Variants in KDM4C observed in about 807,000 individuals in gnomAD.
KDM4C encodes the protein lysine-specific demethylase 4C.
A neutral mutation model predicts 129.3 loss-of-function variants in KDM4C; 81 were observed. That is an observed-to-expected ratio of 0.63 (90% CI 0.52 to 0.75). KDM4C has a LOEUF of 0.75. KDM4C is among the 30% of genes least tolerant of loss of function. KDM4C has a pLI of 0.00. For synonymous variants in KDM4C, 573 were observed against 456.1 expected (o/e 1.26, Z -3.26); for missense variants, 1,457 against 1,304.0 (o/e 1.12, Z -1.81).
In KDM4C at chr9:6,765,413, C is replaced by A. The variant is rs963844221; in HGVS notation, c.-18+7210C>A. Reference sequence around the variant, plus strand: ...ACTCATTTCTCTTCTCTGATTAAATCAGCTTCCCTAATGATGAGCTGTCTT... The same window carrying A: ...ACTCATTTCTCTTCTCTGATTAAATAAGCTTCCCTAATGATGAGCTGTCTT... On this transcript the variant is annotated intron_variant, in intron 1 of 21. Coordinates refer to ENST00000381309, the MANE Select transcript of KDM4C (RefSeq NM_015061.6). Among the ~76,000 whole-genome samples, 3 of 152,180 alleles carry A rather than the reference C, an allele frequency of 2.0e-5. No individual in the cohort carries two copies. In the East Asian group the frequency reaches 5.8e-4, roughly 29 times the overall value.
intron 19 of KDM4C, among the ~76,000 whole-genome samples, chr9:7,130,975 C>G (rs1840570264): frequency 6.6e-6 from 1 of 151,086 alleles, no homozygotes; most frequent in Non-Finnish European, 1.5e-5. Flanking sequence ...AACTGCGTTG[C>G]CCGGGCTGGT....
intron 6 of KDM4C, among the ~76,000 whole-genome samples, chr9:6,886,167 C>T (rs1275967490): frequency 6.6e-6 from 1 of 151,798 alleles, no homozygotes; most frequent in Non-Finnish European, 1.5e-5. Context: ...TGGACATGGC[C>T]ATTATATTAG....
chr9:6,799,597 GGGGAGAC>G (rs1428812367), intron 2 of KDM4C, among the ~76,000 whole-genome samples: 141 of 141,978 alleles, frequency 9.9e-4, no homozygotes, highest in South Asian at 1.7e-3. Flanking sequence ...ACCGTGGAAA[GGGGAGAC>G]GGGAGACGGG....
Position 6,984,065 on chromosome 9 carries a change from G to T in KDM4C, c.1116-101G>T, listed in dbSNP as rs1429678688. The T allele has an allele frequency of 8.3e-6, 6 of 719,104 alleles. No homozygotes were observed. The East Asian group carries it at 1.5e-4, about 18-fold the overall frequency. The allele number at this position is 719,104 out of a possible 1,614,324, so 44.5% of individuals were successfully genotyped here. A position where few individuals can be genotyped will look rare whatever the true frequency, so the allele number is the denominator to read the frequency against. ...GGCATAGTGATTAACAATGTCAGTT[G>T]TTTCCTTCTTTAAGCAAGTGAAAAT... On this transcript the variant is annotated intron_variant, in intron 9 of 21. Transcript: ENST00000381309.
intron 4 of KDM4C, among the ~76,000 whole-genome samples, chr9:6,815,882 T>C (rs1235825635): frequency 6.6e-6 from 1 of 152,266 alleles, no homozygotes; most frequent in Non-Finnish European, 1.5e-5. Context: ...TGTGTCTCTT[T>C]ATCTCTGTTT....
chr9:6,910,741 T>A (rs1447257106), intron 8 of KDM4C, among the ~76,000 whole-genome samples: 1 of 152,234 alleles, frequency 6.6e-6, no homozygotes, highest in African/African-American at 2.4e-5. Flanking sequence ...AATCAGTAGT[T>A]GCCCAAGAAT....
chr9:6,734,819 C>A, intron 1 of KDM4C: 1 of 452,976 alleles, frequency 2.2e-6, no homozygotes, highest in Non-Finnish European at 4.4e-6. Context: ...CCATTGTTTT[C>A]TCTACAGGAT....
Position 6,725,590 on chromosome 9 carries a change from C to T in KDM4C, c.49+4593C>T, listed in dbSNP as rs535619148. 2.0e-5 allele frequency among the ~76,000 whole-genome samples: 3 copies of T among 152,216 alleles called. No homozygotes were observed. In the South Asian group the frequency reaches 6.2e-4, roughly 32 times the overall value. On this transcript the variant is annotated intron_variant, in intron 1 of 17. Transcript: ENST00000536108. ...GCAACCTCTGTCTCCCCGGATCAAG[C>T]AATTCTCCTGCCTCAGCCTCCCAAG...
chr9:7,046,823 T>G (rs182196170), intron 15 of KDM4C, 39 bp from the exon 16 acceptor site: 2 of 1,385,596 alleles, frequency 1.4e-6, no homozygotes, highest in South Asian at 2.3e-5. Context: ...TTTTGTTATG[T>G]GGGTCTGGTC....
chr9:7,042,945 A>C (rs1828840053), intron 15 of KDM4C, among the ~76,000 whole-genome samples: 1 of 151,954 alleles, frequency 6.6e-6, no homozygotes, highest in South Asian at 2.1e-4. Flanking sequence ...TAGCTTAAAT[A>C]TTTTCCTCCA....
At chr9:6,812,882 A>G (rs954147378) in intron 3 of KDM4C, among the ~76,000 whole-genome samples, 3 of 152,222 alleles carry the variant, frequency 2.0e-5, no homozygotes, top group Admixed American at 6.5e-5. Context: ...TTTTTATTAA[A>G]AACATTTTTA....
chr9:7,078,613 T>G (rs535214516), intron 17 of KDM4C, among the ~76,000 whole-genome samples: 4 of 152,352 alleles, frequency 2.6e-5, no homozygotes, highest in South Asian at 2.1e-4. Flanking sequence ...GTATTTTACA[T>G]GTTTTCCATT....
At chr9:7,013,592 C>T (rs548708122) in intron 13 of KDM4C, among the ~76,000 whole-genome samples, 196 bp from the exon 14 acceptor site, 1 of 152,184 alleles carries the variant, frequency 6.6e-6, no homozygotes, top group African/African-American at 2.4e-5. Flanking sequence ...TGTCCTTTTC[C>T]TGCAGATTAA....
At chr9:7,064,456 G>A (rs10815510) in intron 17 of KDM4C, among the ~76,000 whole-genome samples, 85,920 of 151,982 alleles carry the variant, frequency 0.57, 25,326 homozygotes, top group Non-Finnish European at 0.65. Flanking sequence ...TCAGGTGAAA[G>A]ATGATTTTAG....
At chr9:7,046,715 G>A (rs1829450559) in intron 15 of KDM4C, 147 bp from the exon 16 acceptor site, 1 of 634,324 alleles carries the variant, frequency 1.6e-6, no homozygotes. Context: ...CTTTCTTTTT[G>A]AACTTCTCAG....
chr9:6,743,495 C>T (rs918576325), intron 1 of KDM4C, among the ~76,000 whole-genome samples: 1 of 150,952 alleles, frequency 6.6e-6, no homozygotes, highest in African/African-American at 2.4e-5. Context: ...AAGAATAACA[C>T]AATATTTTCT....
At chr9:7,016,174 C>G (rs1289081968) in intron 15 of KDM4C, among the ~76,000 whole-genome samples, 1 of 151,180 alleles carries the variant, frequency 6.6e-6, no homozygotes, top group Non-Finnish European at 1.5e-5. Flanking sequence ...GTCGCCCAGG[C>G]TAGAGTGCAG....
At chr9:7,113,079 T>C (rs971373391) in intron 18 of KDM4C, among the ~76,000 whole-genome samples, 15 of 152,196 alleles carry the variant, frequency 9.9e-5, no homozygotes, top group African/African-American at 3.6e-4. Context: ...TGCAGTGTTA[T>C]TATTGACAAA....
intron 8 of KDM4C, among the ~76,000 whole-genome samples, chr9:6,947,111 C>T (rs1827107619): frequency 6.6e-6 from 1 of 152,138 alleles, no homozygotes; most frequent in African/African-American, 2.4e-5. Context: ...GAATACATTT[C>T]TAGGTCCTTC....
Sources: allele counts gnomAD v4.1 joint callset (sites outside exome capture counted in the v4.1 genomes callset), GRCh38; gene constraint gnomAD v4.1.1; transcripts MANE v1.5; gene names NCBI Gene and HGNC (gene_info 2026-07-23, HGNC 2026-07-21).